RDH13: variants seen among roughly 807,000 people sequenced by gnomAD.
The protein encoded by RDH13 is retinol dehydrogenase 13 (all-trans and 9-cis).
In RDH13, 35 loss-of-function variants were observed where a neutral mutation model predicts 28.3. The ratio of observed to expected loss-of-function variants is 1.24; its 90% CI spans 0.95 to 1.64. The LOEUF (loss-of-function observed/expected upper bound fraction) is 1.64. RDH13 is among the 40% of genes most tolerant of loss of function. The pLI is 0.00. For synonymous variants in RDH13, 229 were observed against 198.5 expected (o/e 1.15, Z -1.29); for missense variants, 514 against 446.3 (o/e 1.15, Z -1.37).
At chr19:55,047,604 C>A in intron 5 of RDH13, 116 bp from the exon 6 acceptor site, 2 of 1,438,238 alleles carry the variant, frequency 1.4e-6, no homozygotes, top group South Asian at 1.4e-5. Context: ...TGCACTCAAA[C>A]CCCATCGTCC....
intron 3 of RDH13, among the ~76,000 whole-genome samples, chr19:55,052,819 C>T (rs2075495961): frequency 6.6e-6 from 1 of 151,958 alleles, no homozygotes; most frequent in African/African-American, 2.4e-5. Flanking sequence ...CGCCACCACG[C>T]CCGGCTAATT....
At chr19:55,047,916 T>C (rs963570555) in intron 5 of RDH13, 17 of 579,946 alleles carry the variant, frequency 2.9e-5, no homozygotes, top group Non-Finnish European at 4.5e-5. Flanking sequence ...CCGTGCGCTG[T>C]AGGACATTGA....
intron 1 of RDH13, among the ~76,000 whole-genome samples, chr19:55,061,158 C>T (rs982783581): frequency 6.6e-6 from 1 of 152,086 alleles, no homozygotes; most frequent in Non-Finnish European, 1.5e-5. Flanking sequence ...GACAGAGTCT[C>T]GCTCTGTCGC....
intron 2 of RDH13, among the ~76,000 whole-genome samples, chr19:55,057,853 C>T (rs144551406): frequency 0.043 from 6,429 of 149,260 alleles, 223 homozygotes; most frequent in Middle Eastern, 0.094. Flanking sequence ...GCTGCCGCGG[C>T]TGGAGTGCTG....
At chr19:55,061,106 C>T (rs914964884) in intron 1 of RDH13, among the ~76,000 whole-genome samples, 1 of 151,976 alleles carries the variant, frequency 6.6e-6, no homozygotes, top group Non-Finnish European at 1.5e-5. Flanking sequence ...CTCACTGGAA[C>T]CTCTCCTTTA....
chr19:55,059,245 G>GC lies in RDH13; in HGVS notation c.95dup (p.Ser32ArgfsTer45), dbSNP rs762743328. 3 of 1,603,070 alleles carry GC rather than the reference G, an allele frequency of 1.9e-6. No homozygotes were observed. Among genetic ancestry groups the GC allele is most frequent in the Non-Finnish European group, 2.6e-6 (3 of 1,175,002 alleles). ...CCGTCTTCCCAGGGATGGTGGCCTT[G>GC]CTGGGGCAAGCCCCACCGGTGACAT... On this transcript the variant is annotated frameshift_variant, in exon 2 of 7. Coordinates refer to ENST00000415061, the MANE Select transcript of RDH13 (RefSeq NM_001145971.2). LOFTEE classifies it high-confidence loss of function.
At chr19:55,057,607 TTTTA>T (rs973788002) in intron 2 of RDH13, among the ~76,000 whole-genome samples, 92 of 151,778 alleles carry the variant, frequency 6.1e-4, no homozygotes, top group African/African-American at 2.2e-3. Flanking sequence ...TTTTTTATTT[TTTTA>T]TTTTTAGTAG....
intron 3 of RDH13, among the ~76,000 whole-genome samples, chr19:55,055,412 C>T (rs1004553160): frequency 6.6e-6 from 1 of 152,048 alleles, no homozygotes; most frequent in African/African-American, 2.4e-5. Flanking sequence ...CTCAGCCTCC[C>T]AAAGTGCTGG....
chr19:55,039,196 T>TTTATACACACAA (rs1435110666), exon 3 of RDH13: 2 of 152,198 alleles, frequency 1.3e-5, no homozygotes, highest in Non-Finnish European at 2.9e-5. Flanking sequence ...AAACAACATG[T>TTTATACACACAA]GGTATATACA....
At position 55,044,327 on chromosome 19, in the gene RDH13, CT is replaced by C. The variant is rs71689973; in HGVS notation, c.*746del. On this transcript the variant is annotated 3_prime_UTR_variant, in exon 7 of 7. Coordinates refer to ENST00000415061, the MANE Select transcript of RDH13 (RefSeq NM_001145971.2). ...ATCTACGACTCGGGTACATTTTCTT[CT>C]TTTTTTTTTCTTTTAAATGAGCAAG... is the stretch of plus-strand genomic sequence containing the variant. 0.11 allele frequency: 16,914 copies of C among 149,894 alleles called. 1,048 individuals are homozygous for C. Among genetic ancestry groups the C allele is most frequent in the Non-Finnish European group, 0.14 (9,223 of 67,300 alleles). The allele number at this position is 149,894 out of a possible 1,614,324, so 9.3% of individuals were successfully genotyped here.
At chr19:55,067,433 G>C (rs986757883), upstream of RDH13, 8 of 152,278 alleles carry the variant, frequency 5.3e-5, no homozygotes, top group African/African-American at 1.9e-4. Flanking sequence ...TGTGGGAACA[G>C]CTTAAGCAGA....
chr19:55,062,887 G>A, intron 1 of RDH13, 81 bp downstream of exon 1: 1 of 1,222,408 alleles, frequency 8.2e-7, no homozygotes, highest in Non-Finnish European at 1.1e-6. Flanking sequence ...CGGGTGCGAG[G>A]GGCGGGGGTC....
At chr19:55,047,179 AGGGCTCTGCCTGCTTCCCG>A in intron 6 of RDH13, 189 bp downstream of exon 6, 6 of 1,397,070 alleles carry the variant, frequency 4.3e-6, no homozygotes, top group Non-Finnish European at 4.6e-6. Flanking sequence ...ATCCGCCAGC[AGGGCTCTGCCTGCTTCCCG>A]GGGCTGTTAG....
chr19:55,068,277 T>A (rs1258403149), intron 1 of RDH13: 1 of 152,348 alleles, frequency 6.6e-6, no homozygotes, highest in East Asian at 1.9e-4. Context: ...AGCTCACGCC[T>A]TTAATCCCAG....
downstream of RDH13, among the ~76,000 whole-genome samples, chr19:55,043,840 A>G (rs528762591): frequency 1.3e-5 from 2 of 152,220 alleles, no homozygotes; most frequent in African/African-American, 4.8e-5. Flanking sequence ...CTAACACAGC[A>G]GTCTTGTAAG....
At chr19:55,053,436 A>T (rs1158077326) in intron 3 of RDH13, among the ~76,000 whole-genome samples, 2 of 151,806 alleles carry the variant, frequency 1.3e-5, no homozygotes, top group Non-Finnish European at 2.9e-5. Flanking sequence ...TGGCTGGATC[A>T]TGAGGTCAGG....
At chr19:55,055,467 T>C (rs1194217215) in intron 3 of RDH13, among the ~76,000 whole-genome samples, 5 of 152,106 alleles carry the variant, frequency 3.3e-5, no homozygotes, top group African/African-American at 1.2e-4. Context: ...TCTGTCTTCT[T>C]TACATTGCAG....
chr19:55,057,267 A>G (rs2147053690), intron 2 of RDH13, among the ~76,000 whole-genome samples: 1 of 152,260 alleles, frequency 6.6e-6, no homozygotes, highest in Middle Eastern at 3.4e-3. Flanking sequence ...TGATAGTTAC[A>G]GTGAGCAGGT....
intron 3 of RDH13, among the ~76,000 whole-genome samples, 167 bp downstream of exon 3, chr19:55,056,486 T>TAAATAA (rs2075637881): frequency 2.1e-5 from 2 of 96,068 alleles, no homozygotes; most frequent in Admixed American, 2.0e-4. Flanking sequence ...ATAAATAAAG[T>TAAATAA]CGTTGCTTGC....
Sources: gnomAD v4.1 joint callset for allele counts (sites outside exome capture counted in the v4.1 genomes callset) on GRCh38, gnomAD v4.1.1 for gene constraint, MANE v1.5 for transcripts, NCBI Gene and HGNC (gene_info 2026-07-23, HGNC 2026-07-21) for gene names.